Variants in ZFYVE28 observed in about 807,000 individuals in gnomAD.
ZFYVE28 encodes the protein lateral signaling target protein 2 homolog.
ZFYVE28 carries 40 observed loss-of-function variants against 82.1 expected under a neutral mutation model. That is an observed-to-expected ratio of 0.49 (90% CI 0.38 to 0.63). ZFYVE28 has a LOEUF of 0.63. Ranked by LOEUF, ZFYVE28 falls within the 30% of genes least tolerant of loss-of-function variation. The pLI is 0.00. For missense variants in ZFYVE28, 1,321 were observed against 1,242.1 expected (o/e 1.06, Z -0.96); for synonymous variants, 612 against 546.1 (o/e 1.12, Z -1.68).
intron 8 of ZFYVE28, among the ~76,000 whole-genome samples, chr4:2,303,523 G>A (rs1475746231): frequency 2.0e-5 from 3 of 152,174 alleles, no homozygotes; most frequent in Non-Finnish European, 4.4e-5. Context: ...GCCAGAGTGG[G>A]AGCCCTGTAG....
At chr4:2,312,928 C>G (rs1717692987) in intron 7 of ZFYVE28, among the ~76,000 whole-genome samples, 1 of 151,998 alleles carries the variant, frequency 6.6e-6, no homozygotes, top group Non-Finnish European at 1.5e-5. Flanking sequence ...GCCTATGGTT[C>G]TAGCTACTCA....
Position 2,335,767 on chromosome 4 carries a change from C to T in ZFYVE28, c.639G>A (p.Gln213=). 6.4e-7 allele frequency: 1 copy of T among 1,569,022 alleles called. No individual in the cohort carries two copies. The highest frequency in any genetic ancestry group is 8.6e-7 in the Non-Finnish European group (1 of 1,156,862). Residue 213 remains glutamine, a synonymous_variant, in exon 6 of 13, where the codon CAG becomes CAA. Transcript: ENST00000290974. This position sits in a 1 kb window ranked among gnomAD's most constrained non-coding sequence, Gnocchi z 5.8. Reference sequence around the variant, plus strand: ...CCGGCTCGTAGTCATCAATCATGTCCTGAGTCAGGTACCCGAAGTCCAGGG... The same window carrying T: ...CCGGCTCGTAGTCATCAATCATGTCTTGAGTCAGGTACCCGAAGTCCAGGG... ...ERALDFGYLT[Q]DMIDDYEPAL...
intron 12 of ZFYVE28, 172 bp from the exon 13 acceptor site, chr4:2,271,028 T>C: frequency 1.0e-6 from 1 of 978,048 alleles, no homozygotes; most frequent in Non-Finnish European, 1.5e-6. Context: ...CTATGAGGGG[T>C]CCACGTCCTG....
intron 6 of ZFYVE28, among the ~76,000 whole-genome samples, chr4:2,333,198 CCTCCCCTGCTGCCCTTCCCT>C: frequency 6.9e-6 from 1 of 144,592 alleles, no homozygotes; most frequent in South Asian, 2.3e-4. Context: ...GCAGCACTGG[CCTCCCCTGCTGCCCTTCCCT>C]GACCCCCCCT....
At chr4:2,401,646 GC>G (rs1281722985) in intron 1 of ZFYVE28, among the ~76,000 whole-genome samples, 2 of 152,142 alleles carry the variant, frequency 1.3e-5, no homozygotes, top group Non-Finnish European at 2.9e-5. Flanking sequence ...CCATGGGCCT[GC>G]CTTTTTGGTC....
At position 2,271,461 on chromosome 4, in the gene ZFYVE28, G is replaced by A. The variant is rs201305811; in HGVS notation, c.2429-47C>T. The A allele has an allele frequency of 1.5e-4, 244 of 1,583,836 alleles. No individual in the cohort carries two copies. In the East Asian group the frequency reaches 5.2e-3, roughly 34 times the overall value. On this transcript the variant is annotated intron_variant, in intron 11 of 12. Transcript: ENST00000290974. Reference sequence around the variant, plus strand: ...CACATCAGCGACGGCAGGAGCAGGTGGGCTGGGCCGGGACCCTCAACCTAC... The same window carrying A: ...CACATCAGCGACGGCAGGAGCAGGTAGGCTGGGCCGGGACCCTCAACCTAC...
chr4:2,330,535 G>C (rs1400134662), intron 6 of ZFYVE28: 17 of 1,161,604 alleles, frequency 1.5e-5, no homozygotes, highest in Non-Finnish European at 1.8e-5. Context: ...GCAGAGGAAG[G>C]GACAGCATGG....
chr4:2,354,117 G>A, intron 1 of ZFYVE28, 44 bp from the exon 2 acceptor site: 1 of 1,444,298 alleles, frequency 6.9e-7, no homozygotes, highest in Non-Finnish European at 9.2e-7. Flanking sequence ...TGGGGAACTG[G>A]AGGGGATGCC....
chr4:2,323,746 A>C (rs928676330), intron 6 of ZFYVE28, among the ~76,000 whole-genome samples: 1 of 126,104 alleles, frequency 7.9e-6, no homozygotes, highest in Non-Finnish European at 1.6e-5. Flanking sequence ...TCCTGTGTCC[A>C]TGTGATCTCA....
chr4:2,334,914 C>T (rs768030020), intron 6 of ZFYVE28, among the ~76,000 whole-genome samples: 17 of 143,338 alleles, frequency 1.2e-4, no homozygotes, highest in Non-Finnish European at 2.2e-4. Flanking sequence ...CTCACTCCTC[C>T]GCCCCCGTGA....
At position 2,362,359 on chromosome 4, in the gene ZFYVE28, G is replaced by A. The variant is rs1726278363; in HGVS notation, c.40-8286C>T. On this transcript the variant is annotated intron_variant, in intron 1 of 12. Coordinates refer to ENST00000290974, the MANE Select transcript of ZFYVE28 (RefSeq NM_020972.3). This position sits in a 1 kb window ranked among gnomAD's most constrained non-coding sequence, Gnocchi z 5.1. ...AGAAGCCAGGGAAGAGCCTCTGCCT[G>A]GGACACACAAATGCGGCCCCACAGC... Among the ~76,000 whole-genome samples, 1 of 152,124 alleles carries A rather than the reference G, an allele frequency of 6.6e-6. No homozygotes were observed. Among genetic ancestry groups the A allele is most frequent in the African/African-American group, 2.4e-5 (1 of 41,398 alleles).
intron 6 of ZFYVE28, among the ~76,000 whole-genome samples, chr4:2,333,378 G>T (rs1721037633): frequency 6.6e-6 from 1 of 151,006 alleles, no homozygotes; most frequent in Non-Finnish European, 1.5e-5. Flanking sequence ...GAGGAGCAGA[G>T]GTTTGGCCAC....
intron 7 of ZFYVE28, among the ~76,000 whole-genome samples, chr4:2,310,139 A>G (rs1285151613): frequency 2.0e-5 from 3 of 152,076 alleles, no homozygotes; most frequent in Non-Finnish European, 4.4e-5. Flanking sequence ...CCCTGGCTCA[A>G]GCAGTCATCC....
At chr4:2,299,737 T>C (rs891262224) in intron 8 of ZFYVE28, among the ~76,000 whole-genome samples, 1 of 94,134 alleles carries the variant, frequency 1.1e-5, no homozygotes, top group Non-Finnish European at 2.3e-5. Context: ...TATAAAACCA[T>C]GTTCAGTGGA....
At chr4:2,380,372 G>A (rs1728606064) in intron 1 of ZFYVE28, among the ~76,000 whole-genome samples, 1 of 152,150 alleles carries the variant, frequency 6.6e-6, no homozygotes, top group African/African-American at 2.4e-5. Context: ...AGCAATAGAG[G>A]AACTTCCTGC....
In ZFYVE28 at chr4:2,416,461, T is replaced by C. The variant is rs1219463724; in HGVS notation, c.39+1824A>G. 6.6e-6 allele frequency among the ~76,000 whole-genome samples: 1 copy of C among 152,194 alleles called. No homozygotes were observed. The highest frequency in any genetic ancestry group is 1.5e-5 in the Non-Finnish European group (1 of 68,030). On this transcript the variant is annotated intron_variant, in intron 1 of 12. Coordinates refer to ENST00000290974, the MANE Select transcript of ZFYVE28 (RefSeq NM_020972.3). The surrounding 1 kb of genome is among the most constrained non-coding windows in gnomAD (Gnocchi z 4.6). ...ACATTTCTCCAGCTGCCTCCCGCCA[T>C]TTGTCACAGAAAATAATGCTGCTGC...
intron 4 of ZFYVE28, among the ~76,000 whole-genome samples, chr4:2,338,521 A>T (rs1378460323): frequency 6.6e-6 from 1 of 152,212 alleles, no homozygotes; most frequent in Non-Finnish European, 1.5e-5. Context: ...TGAACTCAGG[A>T]GGTGGAGGTC....
chr4:2,411,963 C>T (rs1732564426), intron 1 of ZFYVE28, among the ~76,000 whole-genome samples: 1 of 152,218 alleles, frequency 6.6e-6, no homozygotes, highest in Admixed American at 6.5e-5. Flanking sequence ...GCTGCCCACA[C>T]CGGCTGCAGT....
rs138458329 is a variant in ZFYVE28, at chr4:2,403,926, G to A, written c.39+14359C>T. On this transcript the variant is annotated intron_variant, in intron 1 of 12. Coordinates refer to ENST00000290974, the MANE Select transcript of ZFYVE28 (RefSeq NM_020972.3). ...AGAGGTTGCAGCGAGCAGATATTGC[G>A]CCATTGCACTCCAGCCTGGGTGACA... Among the ~76,000 whole-genome samples the A allele has an allele frequency of 2.6e-3, 386 of 147,874 alleles. 8 individuals are homozygous for A. The East Asian group carries it at 0.062, about 24-fold the overall frequency.
Sources: allele counts gnomAD v4.1 joint callset (sites outside exome capture counted in the v4.1 genomes callset), GRCh38; gene constraint gnomAD v4.1.1; non-coding constraint Gnocchi (gnomAD v3.1); transcripts MANE v1.5; gene names NCBI Gene and HGNC (gene_info 2026-07-23, HGNC 2026-07-21).